CXorf58: variants seen among roughly 807,000 people sequenced by gnomAD.
CXorf58 encodes the protein chromosome X open reading frame 58.
In CXorf58, 24 loss-of-function variants were observed where a neutral mutation model predicts 26.0. The ratio of observed to expected loss-of-function variants is 0.92; its 90% CI spans 0.67 to 1.30. The LOEUF is 1.30. Ranked by LOEUF, CXorf58 falls within the 50% of genes most tolerant of loss-of-function variation. The pLI is 0.00. For missense variants in CXorf58, 236 were observed against 263.9 expected (o/e 0.89, Z 0.73); for synonymous variants, 87 against 86.1 (o/e 1.01, Z -0.06).
At chrX:23,926,597 A>G (rs1271381801) in intron 5 of CXorf58, among the ~76,000 whole-genome samples, 2 of 111,954 alleles carry the variant, frequency 1.8e-5, no homozygotes, top group Non-Finnish European at 3.8e-5. Flanking sequence ...GACTGCACGA[A>G]TGATATTACA....
At chrX:23,923,640 GA>G (rs567444830) in intron 5 of CXorf58, among the ~76,000 whole-genome samples, 56 of 79,128 alleles carry the variant, frequency 7.1e-4, no homozygotes, top group Middle Eastern at 6.8e-3. Flanking sequence ...CTCTGTCTCA[GA>G]AAAAAAAAAA....
intron 6 of CXorf58, among the ~76,000 whole-genome samples, chrX:23,929,667 A>C (rs1371187699): frequency 8.9e-6 from 1 of 112,054 alleles, no homozygotes; most frequent in Non-Finnish European, 1.9e-5. Context: ...TATCCAGAAG[A>C]TCTCACTAAG....
intron 5 of CXorf58, among the ~76,000 whole-genome samples, chrX:23,916,653 G>A (rs950955384): frequency 2.7e-5 from 3 of 111,239 alleles, no homozygotes; most frequent in African/African-American, 9.8e-5. Context: ...ACTTTGGGAG[G>A]CCGAGGCGGG....
At chrX:23,915,622 C>A in intron 3 of CXorf58, 78 bp from the exon 4 acceptor site, 1 of 564,271 alleles carries the variant, frequency 1.8e-6, no homozygotes, top group Non-Finnish European at 2.9e-6. Context: ...CACTTTACCA[C>A]GTTGCCTCTG....
chrX:23,931,824 C>G (rs191582434), intron 6 of CXorf58, among the ~76,000 whole-genome samples: 127 of 111,923 alleles, frequency 1.1e-3, no homozygotes, highest in African/African-American at 3.2e-3. Flanking sequence ...AAACAAGCTT[C>G]TTTGTCAAAA....
intron 5 of CXorf58, among the ~76,000 whole-genome samples, chrX:23,926,230 A>G (rs1407852669): frequency 9.0e-6 from 1 of 111,059 alleles, no homozygotes; most frequent in East Asian, 2.8e-4. Flanking sequence ...CTCTACTCAC[A>G]GTCTATGTAT....
chrX:23,907,946 T>C (rs1927451809), upstream of CXorf58: 5 of 328,946 alleles, frequency 1.5e-5, no homozygotes, highest in Admixed American at 2.3e-4. Flanking sequence ...AACCCCGCCC[T>C]CCAGGAGGCT....
chrX:23,923,967 G>A (rs1927935967), intron 5 of CXorf58, among the ~76,000 whole-genome samples: 2 of 111,845 alleles, frequency 1.8e-5, no homozygotes, highest in Non-Finnish European at 3.8e-5. Context: ...TCAGGAGGCT[G>A]AGGCAGGAGA....
intron 2 of CXorf58, 103 bp downstream of exon 2, chrX:23,910,521 G>T: frequency 2.2e-6 from 1 of 460,880 alleles, no homozygotes; most frequent in Non-Finnish European, 3.7e-6. Flanking sequence ...GTAAATCAAA[G>T]TTTTTGTGTT....
At chrX:23,933,109 A>C (rs1264227366) in intron 6 of CXorf58, among the ~76,000 whole-genome samples, 1 of 109,906 alleles carries the variant, frequency 9.1e-6, no homozygotes, top group East Asian at 2.8e-4. Flanking sequence ...CTGCCTGGGC[A>C]ACACAGCGAG....
At chrX:23,926,888 A>T (rs1412532231) in intron 5 of CXorf58, among the ~76,000 whole-genome samples, 2 of 111,712 alleles carry the variant, frequency 1.8e-5, no homozygotes, top group Non-Finnish European at 3.8e-5. Flanking sequence ...GTGTGGTGGC[A>T]TGCGCCTGTA....
chrX:23,935,039 A>AT (rs1474681372), intron 6 of CXorf58, among the ~76,000 whole-genome samples, 157 bp from the exon 7 acceptor site: 1 of 103,987 alleles, frequency 9.6e-6, no homozygotes, highest in Non-Finnish European at 2.0e-5. Flanking sequence ...TAATTTTTGT[A>AT]TTTTTAGTAG....
At chrX:23,926,892 G>A (rs1395132966) in intron 5 of CXorf58, among the ~76,000 whole-genome samples, 9 of 111,517 alleles carry the variant, frequency 8.1e-5, no homozygotes, top group East Asian at 2.8e-4. Flanking sequence ...GGTGGCATGC[G>A]CCTGTAGTCC....
chrX:23,930,058 G>T (rs1428482022), intron 6 of CXorf58, among the ~76,000 whole-genome samples: 1 of 107,362 alleles, frequency 9.3e-6, no homozygotes, highest in East Asian at 2.9e-4. Flanking sequence ...TTAGCCGGGC[G>T]TGGTGGTGGG....
intron 7 of CXorf58, among the ~76,000 whole-genome samples, chrX:23,937,349 G>A (rs1928316927): frequency 9.0e-6 from 1 of 111,430 alleles, no homozygotes; most frequent in Non-Finnish European, 1.9e-5. Flanking sequence ...GGTTGCTTAG[G>A]AAGGGACATA....
intron 5 of CXorf58, among the ~76,000 whole-genome samples, chrX:23,921,385 G>A (rs1042542975): frequency 8.9e-6 from 1 of 112,131 alleles, no homozygotes; most frequent in Non-Finnish European, 1.9e-5. Context: ...TGTTTCCCAT[G>A]AAAATACACA....
chrX:23,924,090 A>T (rs1050765793), intron 5 of CXorf58, among the ~76,000 whole-genome samples: 17 of 111,573 alleles, frequency 1.5e-4, no homozygotes, highest in African/African-American at 5.2e-4. Context: ...AAAATTTTAA[A>T]AACCCTTTTT....
At chrX:23,937,889 A>T (rs1716660254) in intron 7 of CXorf58, among the ~76,000 whole-genome samples, 1 of 100,904 alleles carries the variant, frequency 9.9e-6, no homozygotes, top group East Asian at 3.1e-4. Flanking sequence ...ATGAAATGTA[A>T]TTTTTTTTTT....
intron 6 of CXorf58, 130 bp from the exon 7 acceptor site, chrX:23,935,066 T>C (rs111399344): frequency 4.4e-5 from 22 of 495,495 alleles, no homozygotes; most frequent in African/African-American, 2.2e-4. Flanking sequence ...GTTTTCACCA[T>C]GTTGGCCAGG....
Sources: gnomAD v4.1 joint callset for allele counts (sites outside exome capture counted in the v4.1 genomes callset) on GRCh38, gnomAD v4.1.1 for gene constraint, MANE v1.5 for transcripts, NCBI Gene and HGNC (gene_info 2026-07-23, HGNC 2026-07-21) for gene names.